The following FNTB variants were observed in gnomAD, a reference collection of about 807,000 sequenced individuals.
FNTB encodes the protein protein farnesyltransferase subunit beta.
FNTB carries 27 observed loss-of-function variants against 59.4 expected under a neutral mutation model. The ratio of observed to expected loss-of-function variants is 0.45; its 90% CI spans 0.34 to 0.63. FNTB has a LOEUF of 0.63. Ranked by LOEUF, FNTB falls within the 20% of genes least tolerant of loss-of-function variation. The probability of loss-of-function intolerance (pLI) is 0.02; values close to 1 mark genes in which losing one functional copy is unlikely to be tolerated. For missense variants in FNTB, 449 were observed against 559.6 expected (o/e 0.80, Z 1.99); for synonymous variants, 230 against 220.7 (o/e 1.04, Z -0.37).
intron 7 of FNTB, among the ~76,000 whole-genome samples, chr14:65,037,329 C>G (rs1292637246): frequency 2.8e-5 from 4 of 144,060 alleles, no homozygotes; most frequent in African/African-American, 1.0e-4. Flanking sequence ...GTCTCGAACT[C>G]CTGACCTCAA....
rs1405693163 is a variant in FNTB at position 65,027,687 on chromosome 14, C to A, written c.522-11C>A. 6.2e-7 allele frequency: 1 copy of A among 1,614,216 alleles called. No homozygotes were observed. The highest frequency in any genetic ancestry group is 1.1e-5 in the South Asian group (1 of 91,084). ...ACTGTTGCCTCTCCTACCTCTTTCC[C>A]TGTTTCTCAGAGAGAAGCTTCTTCA... On this transcript the variant is annotated splice_polypyrimidine_tract_variant and intron_variant, in intron 5 of 11. Coordinates refer to ENST00000246166, the MANE Select transcript of FNTB (RefSeq NM_002028.4). The surrounding 1 kb of genome is among the most constrained non-coding windows in gnomAD (Gnocchi z 5.7).
At chr14:65,020,152 G>A (rs1025466497) in intron 4 of FNTB, among the ~76,000 whole-genome samples, 1 of 152,138 alleles carries the variant, frequency 6.6e-6, no homozygotes, top group East Asian at 1.9e-4. Flanking sequence ...AATATGATAA[G>A]CTGGGTTCCC....
At chr14:65,003,782 C>T (rs1244245918) in intron 1 of FNTB, 1 of 152,220 alleles carries the variant, frequency 6.6e-6, no homozygotes, top group East Asian at 1.9e-4. Context: ...GAGAGGGAAA[C>T]ACTCTCACAA....
At chr14:64,996,199 C>G (rs1241456320) in intron 1 of FNTB, among the ~76,000 whole-genome samples, 1 of 151,620 alleles carries the variant, frequency 6.6e-6, no homozygotes, top group Non-Finnish European at 1.5e-5. Context: ...GCCCGTGATC[C>G]CAGCACTTTG....
At chr14:65,004,335 G>A in intron 2 of FNTB, 22 bp downstream of exon 2, 1 of 1,610,446 alleles carries the variant, frequency 6.2e-7, no homozygotes, top group Non-Finnish European at 8.5e-7. Context: ...TTAGGAGTTT[G>A]AGGGGATCTG....
chr14:65,025,501 C>T (rs2061962478), intron 4 of FNTB, among the ~76,000 whole-genome samples: 2 of 152,286 alleles, frequency 1.3e-5, no homozygotes, highest in South Asian at 4.1e-4. Context: ...AAGTTCTCTA[C>T]AGAAATTAAT....
chr14:65,059,837 C>CTTTTT (rs34459085), intron 11 of FNTB, among the ~76,000 whole-genome samples: 1 of 134,240 alleles, frequency 7.4e-6, no homozygotes, highest in African/African-American at 2.8e-5. Flanking sequence ...GTCCTTTTTT[C>CTTTTT]TTTTTTTTTT....
Position 65,031,980 on chromosome 14 carries a change from G to GTGTGTGTGTGTGTGTGTGTA in FNTB, c.606-611_606-610insATGTGTGTGTGTGTGTGTGT, listed in dbSNP as rs2062095277. ...TAGACGTGCGCCTTTTTCATTTAACGTGTGTGTGTGTGTGTGTGTGTGTGT... is the reference window on the plus strand; with the variant it reads ...TAGACGTGCGCCTTTTTCATTTAACGTGTGTGTGTGTGTGTGTGTATGTGTGTGTGTGTGTGTGTGTGTGT... On this transcript the variant is annotated intron_variant, in intron 6 of 11. Coordinates refer to ENST00000246166, the MANE Select transcript of FNTB (RefSeq NM_002028.4). The surrounding 1 kb of genome is among the most constrained non-coding windows in gnomAD (Gnocchi z 4.6). Among the ~76,000 whole-genome samples, 1 of 28,918 alleles carries GTGTGTGTGTGTGTGTGTGTA rather than the reference G, an allele frequency of 3.5e-5. No homozygotes were observed. Among genetic ancestry groups the GTGTGTGTGTGTGTGTGTGTA allele is most frequent in the African/African-American group, 2.4e-4 (1 of 4,110 alleles). 19.0% of individuals were successfully genotyped at this position (28,918 alleles called of 152,430 possible). A position where few individuals can be genotyped will look rare whatever the true frequency, so the allele number is the denominator to read the frequency against.
At chr14:65,060,286 T>A (rs1226665558) in intron 11 of FNTB, among the ~76,000 whole-genome samples, 1 of 151,982 alleles carries the variant, frequency 6.6e-6, no homozygotes, top group Non-Finnish European at 1.5e-5. Flanking sequence ...CAGGTACAAA[T>A]ACACTTTTTA....
chr14:64,993,327 A>C (rs1888275404), intron 1 of FNTB, among the ~76,000 whole-genome samples: 1 of 152,200 alleles, frequency 6.6e-6, no homozygotes, highest in Non-Finnish European at 1.5e-5. Flanking sequence ...TTACACATGG[A>C]AGTGTGAGTT....
chr14:65,043,828 C>CCAAAAA (rs2062410402), intron 8 of FNTB, among the ~76,000 whole-genome samples: 1 of 64,234 alleles, frequency 1.6e-5, no homozygotes, highest in African/African-American at 5.7e-5. Context: ...GACTCCGTCT[C>CCAAAAA]AAAAAAAAAA....
chr14:65,009,374 T>C lies in FNTB; in HGVS notation c.210-2943T>C, dbSNP rs2061650053. ...TTCACTAACTGCCTTATAATCCTTT[T>C]ATTCGTCTCATGTAGATTCCCTAAC... On this transcript the variant is annotated intron_variant, in intron 2 of 11. Transcript: ENST00000246166. This position sits in a 1 kb window ranked among gnomAD's most constrained non-coding sequence, Gnocchi z 4.2. Among the ~76,000 whole-genome samples, 1 of 152,124 alleles carries C rather than the reference T, an allele frequency of 6.6e-6. No homozygotes were observed. Among genetic ancestry groups the C allele is most frequent in the Admixed American group, 6.5e-5 (1 of 15,268 alleles).
At position 64,990,993 on chromosome 14, in the gene FNTB, G is replaced by A. The variant is rs149639499; in HGVS notation, c.144+3896G>A. Among the ~76,000 whole-genome samples the A allele has an allele frequency of 2.3e-4, 35 of 152,252 alleles. No individual in the cohort carries two copies. The East Asian group carries it at 3.3e-3, about 14-fold the overall frequency. On this transcript the variant is annotated intron_variant, in intron 1 of 11. Transcript: ENST00000246166. The surrounding 1 kb of genome is among the most constrained non-coding windows in gnomAD (Gnocchi z 5.2). ...AACAAGACATGGTTGTATTGTTAGT[G>A]CCTGCCTTCCTTATTGTGCCATCTG...
rs780363660 is a variant in FNTB at position 65,004,292 on chromosome 14, A to G, written c.188A>G (p.Lys63Arg). The G allele has an allele frequency of 1.9e-6, 3 of 1,613,266 alleles. No individual in the cohort carries two copies. Among genetic ancestry groups the G allele is most frequent in the African/African-American group, 2.7e-5 (2 of 75,024 alleles). Residue 63 changes from lysine (K) to arginine (R), a missense_variant, in exon 2 of 12, where the codon AAG (lysine) becomes AGG (arginine). By Grantham distance (26) the Lys-to-Arg change is conservative. This residue lies in a region of FNTB where 112 missense variants were observed against 80.5 expected (regional missense o/e 1.39). Transcript: ENST00000246166. The part of the protein sequence containing the change: ...EKIQEVFSSY[K>R]FNHLVPRLVL... Reference sequence around the variant, plus strand: ...ATCCAAGAGGTCTTCAGTTCTTACAAGTTCAACCACCTTGTACCAAGGTAA... The same window carrying G: ...ATCCAAGAGGTCTTCAGTTCTTACAGGTTCAACCACCTTGTACCAAGGTAA...
intron 1 of FNTB, among the ~76,000 whole-genome samples, chr14:64,993,457 C>A (rs1455718771): frequency 2.0e-5 from 3 of 152,090 alleles, no homozygotes; most frequent in Non-Finnish European, 4.4e-5. Flanking sequence ...CCAGCTGGTA[C>A]TTTGTATTCA....
rs1163965339 is a variant in FNTB at position 65,030,058 on chromosome 14, C to T, written c.605+2277C>T. ...GAAAAGGTTGTATTACGTTTCCTCC[C>T]CATCTCAGCGTGAGACCTGGGACTC... On this transcript the variant is annotated intron_variant, in intron 6 of 11. Coordinates refer to ENST00000246166, the MANE Select transcript of FNTB (RefSeq NM_002028.4). The surrounding 1 kb of genome is among the most constrained non-coding windows in gnomAD (Gnocchi z 4.5). 6.6e-6 allele frequency among the ~76,000 whole-genome samples: 1 copy of T among 152,086 alleles called. No homozygotes were observed. Among genetic ancestry groups the T allele is most frequent in the Non-Finnish European group, 1.5e-5 (1 of 68,004 alleles).
At chr14:65,006,381 A>C in intron 2 of FNTB, 1 of 1,525,190 alleles carries the variant, frequency 6.6e-7, no homozygotes, top group Non-Finnish European at 8.9e-7. Context: ...CTCTGACCTC[A>C]ATAAAATGAA....
chr14:65,048,951 C>T (rs1362682971), intron 9 of FNTB, among the ~76,000 whole-genome samples: 1 of 152,024 alleles, frequency 6.6e-6, no homozygotes, highest in Admixed American at 6.6e-5. Context: ...ATGGTGAAAC[C>T]CCATCTCTAC....
chr14:65,015,823 C>T (rs2061763469), intron 4 of FNTB, 107 bp downstream of exon 4: 1 of 1,306,394 alleles, frequency 7.7e-7, no homozygotes, highest in African/African-American at 1.5e-5. Flanking sequence ...AAAACAGTGC[C>T]ACAAAGAAAT....
Sources: gnomAD v4.1 joint callset for allele counts (sites outside exome capture counted in the v4.1 genomes callset) on GRCh38, gnomAD v4.1.1 for gene constraint, gnomAD v4.1.1 regional missense constraint, Gnocchi (gnomAD v3.1) non-coding constraint, MANE v1.5 for transcripts, NCBI Gene and HGNC (gene_info 2026-07-23, HGNC 2026-07-21) for gene names.